PPP2R1B: variants seen among roughly 807,000 people sequenced by gnomAD.
PPP2R1B encodes the protein serine/threonine-protein phosphatase 2A 65 kDa regulatory subunit A beta isoform.
Under a neutral mutation model 72.7 loss-of-function variants are expected in PPP2R1B, and 58 were observed. The observed-to-expected ratio is 0.80, with a 90% confidence interval of 0.65 to 0.99. The LOEUF (loss-of-function observed/expected upper bound fraction) is 0.99. Ranked by LOEUF, PPP2R1B falls within the 50% of genes least tolerant of loss-of-function variation. PPP2R1B has a pLI of 0.00. For missense variants in PPP2R1B, 695 were observed against 733.6 expected (o/e 0.95, Z 0.61); for synonymous variants, 256 against 264.6 (o/e 0.97, Z 0.32).
At position 111,740,752 on chromosome 11, in the gene PPP2R1B, A is replaced by G. The variant is rs1944489590; in HGVS notation, c.*844T>C. ...AAGCAGAGCCAGGTAAAGAACAGGA[A>G]ATCTGCACAGTATTATCCCTGTGGT... is the stretch of plus-strand genomic sequence containing the variant. On this transcript the variant is annotated 3_prime_UTR_variant, in exon 15 of 15. Coordinates refer to ENST00000527614, the MANE Select transcript of PPP2R1B (RefSeq NM_002716.5). 1.0e-6 allele frequency: 1 copy of G among 985,334 alleles called. No individual in the cohort carries two copies. The allele number at this position is 985,334 out of a possible 1,614,324, so 61.0% of individuals were successfully genotyped here.
chr11:111,728,598 T>G (rs1944057064), intron 15 of PPP2R1B: 1 of 152,054 alleles, frequency 6.6e-6, no homozygotes, highest in Non-Finnish European at 1.5e-5. Context: ...CTGGAATTTT[T>G]TTATAGAACT....
chr11:111,718,374 C>A, the PPP2R1B span, among the ~76,000 whole-genome samples: 6 of 152,280 alleles, frequency 3.9e-5, no homozygotes, highest in South Asian at 1.2e-3. Context: ...AAGGAGAGAG[C>A]AAGAGTTGCT....
the PPP2R1B span, among the ~76,000 whole-genome samples, chr11:111,710,990 T>C: frequency 1.3e-5 from 2 of 152,340 alleles, no homozygotes; most frequent in African/African-American, 4.8e-5. Context: ...GCAGTGCCTG[T>C]TGTATTCAAA....
At chr11:111,759,751 A>G (rs782386075) in intron 5 of PPP2R1B, 53 bp downstream of exon 5, 22 of 1,501,896 alleles carry the variant, frequency 1.5e-5, no homozygotes, top group Non-Finnish European at 2.0e-5. Flanking sequence ...AATTCTGAAA[A>G]TTTAGAGGAA....
intron 9 of PPP2R1B, among the ~76,000 whole-genome samples, chr11:111,752,704 G>A (rs376412085): frequency 1.7e-4 from 26 of 152,106 alleles, no homozygotes; most frequent in South Asian, 8.3e-4. Context: ...GGCCGGGTGC[G>A]GTGGCTCACA....
At chr11:111,717,480 T>C in the PPP2R1B span, among the ~76,000 whole-genome samples, 1 of 152,122 alleles carries the variant, frequency 6.6e-6, no homozygotes, top group Non-Finnish European at 1.5e-5. Flanking sequence ...AGGAACACTT[T>C]TACACTGTTA....
the PPP2R1B span, among the ~76,000 whole-genome samples, chr11:111,689,014 A>C: frequency 6.6e-6 from 1 of 152,228 alleles, no homozygotes; most frequent in Admixed American, 6.5e-5. Context: ...AAGCTTCACA[A>C]AGAAGGAATT....
the PPP2R1B span, chr11:111,703,251 G>A: frequency 6.2e-7 from 1 of 1,614,038 alleles, no homozygotes; most frequent in Non-Finnish European, 8.5e-7. Flanking sequence ...CCATCCAAAC[G>A]GCTAACCATA....
At chr11:111,761,314 G>A (rs1555051401) in intron 3 of PPP2R1B, 2 of 577,776 alleles carry the variant, frequency 3.5e-6, no homozygotes, top group African/African-American at 3.7e-5. Context: ...CAGTGTAAAA[G>A]ACTTGACACA....
At chr11:111,730,828 TAAAATA>T (rs1944166766) in intron 15 of PPP2R1B, 1 of 152,202 alleles carries the variant, frequency 6.6e-6, no homozygotes. Context: ...CCTCTTGAAT[TAAAATA>T]AAAACAACTT....
the PPP2R1B span, among the ~76,000 whole-genome samples, chr11:111,697,573 GA>G: frequency 2.0e-5 from 3 of 152,068 alleles, no homozygotes. Flanking sequence ...TTCAAATGAG[GA>G]AACCAAGGCT....
At chr11:111,749,798 G>A (rs1555047341) in intron 10 of PPP2R1B, among the ~76,000 whole-genome samples, 3 of 152,182 alleles carry the variant, frequency 2.0e-5, no homozygotes, top group African/African-American at 7.2e-5. Context: ...CTGCCAGACA[G>A]GTGTAAGTCA....
chr11:111,752,830 G>A (rs1225371195), intron 9 of PPP2R1B, among the ~76,000 whole-genome samples: 1 of 152,168 alleles, frequency 6.6e-6, no homozygotes, highest in Non-Finnish European at 1.5e-5. Context: ...GGGTGCTGTG[G>A]CAGGCGCCTG....
At chr11:111,715,352 T>G in the PPP2R1B span, among the ~76,000 whole-genome samples, 8 of 152,240 alleles carry the variant, frequency 5.3e-5, no homozygotes, top group Admixed American at 3.3e-4. Context: ...AGTTCCCTTT[T>G]TATTGAGACT....
the PPP2R1B span, among the ~76,000 whole-genome samples, chr11:111,713,029 G>T: frequency 6.6e-6 from 1 of 152,108 alleles, no homozygotes; most frequent in East Asian, 1.9e-4. Context: ...GCCAGGCGTG[G>T]TGGTACACAC....
Position 111,764,835 on chromosome 11 carries a change from C to G in PPP2R1B, c.276G>C (p.Val92=). The G allele has an allele frequency of 6.2e-7, 1 of 1,614,088 alleles. No individual in the cohort carries two copies. Among genetic ancestry groups the G allele is most frequent in the South Asian group, 1.1e-5 (1 of 91,084 alleles). The stretch of plus-strand genomic sequence containing the variant: ...GACAGTGGGCAAAGTCAGGACCTCC[C>G]ACTAGGCCAGTGAAATTTCCCAGCT... The part of the protein sequence containing the change: ...AEQLGNFTGL[V]GGPDFAHCLL... The change falls in exon 3 of 15, where the codon GTG becomes GTC. Residue 92 remains valine (V), a synonymous_variant. Transcript: ENST00000527614.
At chr11:111,764,742 A>T in intron 3 of PPP2R1B, 63 bp downstream of exon 3, 1 of 1,527,164 alleles carries the variant, frequency 6.5e-7, no homozygotes, top group Non-Finnish European at 9.0e-7. Context: ...TCTATCACCA[A>T]ACAATGTATC....
At chr11:111,753,125 G>T (rs1177523827) in intron 9 of PPP2R1B, among the ~76,000 whole-genome samples, 3 of 152,066 alleles carry the variant, frequency 2.0e-5, no homozygotes, top group Non-Finnish European at 4.4e-5. Context: ...TATAATTTTT[G>T]ATACTATATT....
At position 111,764,919 on chromosome 11, in the gene PPP2R1B, C is replaced by T; in HGVS notation, c.206-14G>A. Reference sequence around the variant, plus strand: ...CATAAATTGTATCTGGAAGTGACAACAACAGGACTCATCAACATGGATAGC... The same window carrying T: ...CATAAATTGTATCTGGAAGTGACAATAACAGGACTCATCAACATGGATAGC... On this transcript the variant is annotated splice_polypyrimidine_tract_variant and intron_variant, in intron 2 of 14. Coordinates refer to ENST00000527614, the MANE Select transcript of PPP2R1B (RefSeq NM_002716.5). The T allele has an allele frequency of 5.6e-6, 9 of 1,612,766 alleles. No individual in the cohort carries two copies. Among genetic ancestry groups the T allele is most frequent in the Non-Finnish European group, 7.6e-6 (9 of 1,179,772 alleles).
Sources: allele counts gnomAD v4.1 joint callset (sites outside exome capture counted in the v4.1 genomes callset), GRCh38; gene constraint gnomAD v4.1.1; transcripts MANE v1.5; gene names NCBI Gene and HGNC (gene_info 2026-07-23, HGNC 2026-07-21).